The following ZNF804B variants were observed in gnomAD, a reference collection of about 807,000 sequenced individuals.
The protein encoded by ZNF804B is zinc finger 804B.
A neutral mutation model predicts 101.4 loss-of-function variants in ZNF804B; 80 were observed. The ratio of observed to expected loss-of-function variants is 0.79; its 90% CI spans 0.66 to 0.95. The LOEUF is 0.95. Ranked by LOEUF, ZNF804B falls within the 40% of genes least tolerant of loss-of-function variation. ZNF804B has a pLI of 0.00. For synonymous variants in ZNF804B, 622 were observed against 558.8 expected, an observed-to-expected ratio of 1.11 and a Z score of -1.59; for missense variants, 1,673 against 1,561.9, an observed-to-expected ratio of 1.07 and a Z score of -1.20.
intron 1 of ZNF804B, among the ~76,000 whole-genome samples, chr7:89,204,824 A>C (rs972346605): frequency 6.6e-6 from 1 of 152,206 alleles, no homozygotes; most frequent in Non-Finnish European, 1.5e-5. Context: ...AATTAGAAAA[A>C]GCAAGTACAC....
In ZNF804B at chr7:89,310,797, G is replaced by A. The variant is rs549648388; in HGVS notation, c.250-16547G>A. ...AGCTAGATAGCTAGGTCAGAGTGCA[G>A]TAGGTCAAGTCCTTTTTATGAACTG... On this transcript the variant is annotated intron_variant, in intron 2 of 3. Coordinates refer to ENST00000333190, the MANE Select transcript of ZNF804B (RefSeq NM_181646.5). Among the ~76,000 whole-genome samples, 89 of 152,332 alleles carry A rather than the reference G, an allele frequency of 5.8e-4. 1 individual carries two copies. The highest frequency in any genetic ancestry group is 2.0e-3 in the African/African-American group (85 of 41,584).
In ZNF804B at chr7:89,333,903, C is replaced by T. The variant is rs137963601; in HGVS notation, c.921C>T (p.His307=). 5.5e-5 allele frequency: 88 copies of T among 1,613,448 alleles called. No homozygotes were observed. The African/African-American group carries it at 7.6e-4, about 14-fold the overall frequency. The change falls in exon 4 of 4, where the codon CAC becomes CAT. Residue 307 remains histidine, a synonymous_variant. Transcript: ENST00000333190. The part of the protein sequence containing the change: ...SINSKILQDK[H]DSIDETLEDS... ...ACTCTAAAATTTTGCAAGACAAACA[C>T]GACTCTATTGATGAGACACTAGAAG...
intron 2 of ZNF804B, among the ~76,000 whole-genome samples, chr7:89,270,581 A>T (rs568944833): frequency 6.6e-6 from 1 of 152,176 alleles, no homozygotes; most frequent in Admixed American, 6.5e-5. Context: ...ACTTTAAAGT[A>T]GTATTTTCCA....
rs541540205 is a variant in ZNF804B, at chr7:89,013,983, T to G, written c.109-204172T>G. Reference sequence around the variant, plus strand: ...GTTAAGCACTTGAGTTGACTAAGTATCTTGGCATTATGAATACTGCTGCAA... The same window carrying G: ...GTTAAGCACTTGAGTTGACTAAGTAGCTTGGCATTATGAATACTGCTGCAA... On this transcript the variant is annotated intron_variant, in intron 1 of 3. Transcript: ENST00000333190. Among the ~76,000 whole-genome samples, 7 of 152,258 alleles carry G rather than the reference T, an allele frequency of 4.6e-5. No homozygotes were observed. In the East Asian group the frequency reaches 1.2e-3, roughly 25 times the overall value.
intron 1 of ZNF804B, among the ~76,000 whole-genome samples, chr7:88,834,746 T>C (rs887744569): frequency 6.6e-6 from 1 of 151,732 alleles, no homozygotes; most frequent in East Asian, 1.9e-4. Context: ...TGATGTCAGA[T>C]GCTCTGTTTG....
intron 1 of ZNF804B, among the ~76,000 whole-genome samples, chr7:88,830,993 ATATTT>A (rs1791124118): frequency 6.6e-6 from 1 of 151,868 alleles, no homozygotes; most frequent in Admixed American, 6.6e-5. Flanking sequence ...TATGTTGCAA[ATATTT>A]TAGTTTGTCA....
intron 1 of ZNF804B, among the ~76,000 whole-genome samples, chr7:89,213,383 G>A (rs1357042694): frequency 3.9e-5 from 6 of 152,164 alleles, no homozygotes; most frequent in Admixed American, 6.5e-5. Flanking sequence ...TCAAATGTGG[G>A]CTTTCATGCA....
At chr7:89,247,742 C>T (rs1359685489) in intron 2 of ZNF804B, among the ~76,000 whole-genome samples, 2 of 152,062 alleles carry the variant, frequency 1.3e-5, no homozygotes, top group East Asian at 3.9e-4. Flanking sequence ...GCTCTTCAGC[C>T]ACATCCCTAA....
chr7:89,143,370 GA>G (rs1291097880), intron 1 of ZNF804B, among the ~76,000 whole-genome samples: 3 of 151,712 alleles, frequency 2.0e-5, no homozygotes, highest in Non-Finnish European at 4.4e-5. Flanking sequence ...TTCTGGGGCT[GA>G]ATTTAGATGA....
intron 1 of ZNF804B, among the ~76,000 whole-genome samples, chr7:88,808,314 G>A (rs1183154867): frequency 2.0e-5 from 3 of 151,684 alleles, no homozygotes; most frequent in South Asian, 2.1e-4. Context: ...CCCAGGAGAC[G>A]GAGGTTGCAG....
intron 1 of ZNF804B, among the ~76,000 whole-genome samples, chr7:88,933,065 A>T (rs1431073398): frequency 6.6e-6 from 1 of 151,882 alleles, no homozygotes; most frequent in East Asian, 1.9e-4. Context: ...TAGCTAACCA[A>T]ATCCAACAGA....
chr7:88,885,966 A>G (rs1177833112), intron 1 of ZNF804B, among the ~76,000 whole-genome samples: 1 of 152,166 alleles, frequency 6.6e-6, no homozygotes, highest in Admixed American at 6.6e-5. Flanking sequence ...AAAATATTTA[A>G]ATGGGAAGTC....
At chr7:88,910,226 C>T (rs546082782) in intron 1 of ZNF804B, among the ~76,000 whole-genome samples, 1 of 151,730 alleles carries the variant, frequency 6.6e-6, no homozygotes. Flanking sequence ...ACACAAAATA[C>T]CAAACAAAAA....
chr7:88,798,476 A>G (rs1026758661), intron 1 of ZNF804B, among the ~76,000 whole-genome samples: 3 of 152,152 alleles, frequency 2.0e-5, no homozygotes, highest in Admixed American at 1.3e-4. Context: ...TGCATGGTTC[A>G]AACTAATACA....
intron 1 of ZNF804B, among the ~76,000 whole-genome samples, chr7:88,860,071 T>C (rs1791624636): frequency 1.3e-5 from 2 of 152,062 alleles, no homozygotes; most frequent in Non-Finnish European, 2.9e-5. Context: ...GTCTGTTTTC[T>C]TTTAAAATCT....
chr7:89,102,109 G>C lies in ZNF804B; in HGVS notation c.109-116046G>C, dbSNP rs538845298. ...GGACACAGGTTGATTCCATGACTTT[G>C]CTATTGTAAATGGTGCTGTGATAAA... is the stretch of plus-strand genomic sequence containing the variant. On this transcript the variant is annotated intron_variant, in intron 1 of 3. Coordinates refer to ENST00000333190, the MANE Select transcript of ZNF804B (RefSeq NM_181646.5). 1.6e-4 allele frequency among the ~76,000 whole-genome samples: 24 copies of C among 152,016 alleles called. No individual in the cohort carries two copies. In the South Asian group the frequency reaches 1.9e-3, roughly 12 times the overall value.
chr7:89,228,263 C>G (rs992591911), intron 2 of ZNF804B, among the ~76,000 whole-genome samples: 1 of 151,942 alleles, frequency 6.6e-6, no homozygotes, highest in Non-Finnish European at 1.5e-5. Context: ...GGATTTATTG[C>G]AAAGAGCGCA....
chr7:88,973,616 A>G (rs1179548476), intron 1 of ZNF804B, among the ~76,000 whole-genome samples: 1 of 151,256 alleles, frequency 6.6e-6, no homozygotes, highest in Admixed American at 6.6e-5. Context: ...GCCATTAGCA[A>G]GAGATTGAAA....
At chr7:89,201,731 A>G (rs1443673769) in intron 1 of ZNF804B, among the ~76,000 whole-genome samples, 1 of 152,052 alleles carries the variant, frequency 6.6e-6, no homozygotes, top group African/African-American at 2.4e-5. Flanking sequence ...AATCTGTATC[A>G]TTCTCATTAC....
Sources: gnomAD v4.1 joint callset for allele counts (sites outside exome capture counted in the v4.1 genomes callset) on GRCh38, gnomAD v4.1.1 for gene constraint, MANE v1.5 for transcripts, NCBI Gene and HGNC (gene_info 2026-07-23, HGNC 2026-07-21) for gene names.